The following IKZF2 variants were observed in gnomAD, a reference collection of about 807,000 sequenced individuals.
IKZF2 encodes the protein zinc finger protein Helios.
IKZF2 carries 15 observed loss-of-function variants against 49.2 expected under a neutral mutation model. The observed-to-expected ratio is 0.30, with a 90% CI of 0.20 to 0.47. The LOEUF is 0.47. Ranked by LOEUF, IKZF2 falls within the 20% of genes least tolerant of loss-of-function variation. IKZF2 has a pLI of 1.00. For synonymous variants in IKZF2, 227 were observed against 221.4 expected (o/e 1.03, Z -0.23); for missense variants, 567 against 664.6 (o/e 0.85, Z 1.61).
chr2:213,034,498 T>C (rs1559186901), intron 6 of IKZF2, among the ~76,000 whole-genome samples: 1 of 152,180 alleles, frequency 6.6e-6, no homozygotes, highest in Non-Finnish European at 1.5e-5. Flanking sequence ...AGTTATTAAG[T>C]GGCCTAATTT....
chr2:213,053,577 G>A lies in IKZF2; in HGVS notation c.406+3256C>T, dbSNP rs149973190. On this transcript the variant is annotated intron_variant, in intron 5 of 8. Coordinates refer to ENST00000434687, the MANE Select transcript of IKZF2 (RefSeq NM_001387220.1). ...CTGAGTGCCTTTGAGCAAGAGGATG[G>A]CTGCACAAAGCTGCAATGTACAAAA... Among the ~76,000 whole-genome samples the A allele has an allele frequency of 2.4e-3, 359 of 152,272 alleles. 2 individuals carry two copies. The highest frequency in any genetic ancestry group is 8.3e-3 in the African/African-American group (347 of 41,560).
At position 213,004,521 on chromosome 2, in the gene IKZF2, C is replaced by G. The variant is rs1452004137; in HGVS notation, c.*2839G>C. The G allele has an allele frequency of 6.8e-6, 1 of 148,138 alleles. No homozygotes were observed. The highest frequency in any genetic ancestry group is 2.1e-4 in the East Asian group (1 of 4,656). 9.2% of individuals were successfully genotyped at this position (148,138 alleles called of 1,614,324 possible). On this transcript the variant is annotated 3_prime_UTR_variant, in exon 9 of 9. Coordinates refer to ENST00000434687, the MANE Select transcript of IKZF2 (RefSeq NM_001387220.1). ...GAAGATAACCCATTTTCATGCTCCTCAAATACTTTCTGTAATGTGAAATCT... is the reference window on the plus strand; with the variant it reads ...GAAGATAACCCATTTTCATGCTCCTGAAATACTTTCTGTAATGTGAAATCT...
chr2:213,038,390 A>G (rs1699259299), intron 6 of IKZF2, among the ~76,000 whole-genome samples: 1 of 152,166 alleles, frequency 6.6e-6, no homozygotes, highest in Non-Finnish European at 1.5e-5. Flanking sequence ...AAATAGGAAA[A>G]CAACCGATTA....
intron 4 of IKZF2, among the ~76,000 whole-genome samples, chr2:213,114,788 T>A (rs1471698884): frequency 6.6e-6 from 1 of 151,778 alleles, no homozygotes. Context: ...AAAAATTAGC[T>A]GGGCATGGTA....
In IKZF2 at chr2:213,004,177, A is replaced by C. The variant is rs569049021; in HGVS notation, c.*3183T>G. ...AAGAATGTGTGTGTAGTATACACAC[A>C]CATATACCCTATGATTCATACATAC... On this transcript the variant is annotated 3_prime_UTR_variant, in exon 9 of 9. Coordinates refer to ENST00000434687, the MANE Select transcript of IKZF2 (RefSeq NM_001387220.1). 3.3e-5 allele frequency: 5 copies of C among 151,986 alleles called. No homozygotes were observed. In the East Asian group the frequency reaches 9.7e-4, roughly 29 times the overall value. The allele number at this position is 151,986 out of a possible 1,614,324, so 9.4% of individuals were successfully genotyped here.
chr2:213,012,255 T>C (rs1373896043), intron 8 of IKZF2, among the ~76,000 whole-genome samples: 1 of 151,758 alleles, frequency 6.6e-6, no homozygotes, highest in African/African-American at 2.4e-5. Context: ...TTTAGAATCA[T>C]AATGTAATTT....
intron 4 of IKZF2, among the ~76,000 whole-genome samples, chr2:213,085,750 T>G (rs1424738774): frequency 6.6e-6 from 1 of 152,228 alleles, no homozygotes; most frequent in Non-Finnish European, 1.5e-5. Context: ...GCATGCACTC[T>G]ATTTAAGAAC....
chr2:213,029,043 C>A (rs1239618861), intron 6 of IKZF2, among the ~76,000 whole-genome samples: 2 of 151,876 alleles, frequency 1.3e-5, no homozygotes, highest in African/African-American at 4.8e-5. Context: ...ATATATTATC[C>A]TTTTTATATA....
At chr2:213,127,883 G>C (rs1559309776) in intron 4 of IKZF2, among the ~76,000 whole-genome samples, 1 of 152,068 alleles carries the variant, frequency 6.6e-6, no homozygotes, top group Non-Finnish European at 1.5e-5. Context: ...AATTAGATTT[G>C]ATTGTTTTTA....
intron 7 of IKZF2, among the ~76,000 whole-genome samples, chr2:213,021,080 G>A (rs1697154601): frequency 1.3e-5 from 2 of 152,102 alleles, no homozygotes; most frequent in Admixed American, 6.5e-5. Flanking sequence ...AGGCCTGGTG[G>A]TACATGCCTG....
intron 4 of IKZF2, among the ~76,000 whole-genome samples, chr2:213,141,172 A>C (rs978145090): frequency 2.0e-5 from 3 of 152,006 alleles, no homozygotes; most frequent in African/African-American, 4.8e-5. Context: ...AGTACTGTCT[A>C]CTTTAAGATG....
chr2:213,129,140 T>C (rs1003218984), intron 4 of IKZF2, among the ~76,000 whole-genome samples: 23 of 151,940 alleles, frequency 1.5e-4, no homozygotes, highest in African/African-American at 5.6e-4. Flanking sequence ...CATCTGTGAG[T>C]TCACATTTAT....
chr2:213,134,613 A>T (rs972957379), intron 4 of IKZF2, among the ~76,000 whole-genome samples: 2 of 152,190 alleles, frequency 1.3e-5, no homozygotes, highest in African/African-American at 2.4e-5. Flanking sequence ...CTTAGGACCC[A>T]GTTCTTTTAA....
chr2:213,034,957 A>G (rs1261595797), intron 6 of IKZF2, among the ~76,000 whole-genome samples: 2 of 152,252 alleles, frequency 1.3e-5, no homozygotes, highest in African/African-American at 4.8e-5. Flanking sequence ...GCTTATGAGT[A>G]AGCAAATAAT....
At chr2:213,132,107 T>G (rs951268373) in intron 4 of IKZF2, among the ~76,000 whole-genome samples, 9 of 152,110 alleles carry the variant, frequency 5.9e-5, no homozygotes, top group Non-Finnish European at 1.0e-4. Flanking sequence ...CTTTCCCTAT[T>G]TTACAAATGA....
chr2:213,133,699 CG>C (rs1476475123), intron 4 of IKZF2, among the ~76,000 whole-genome samples: 7 of 60,626 alleles, frequency 1.2e-4, no homozygotes, highest in Middle Eastern at 9.6e-3. Flanking sequence ...GACTCCGTCT[CG>C]AAAAAATAAA....
At chr2:213,135,676 C>A (rs1300943688) in intron 4 of IKZF2, among the ~76,000 whole-genome samples, 1 of 148,478 alleles carries the variant, frequency 6.7e-6, no homozygotes, top group Non-Finnish European at 1.5e-5. Flanking sequence ...CAGAACAAGA[C>A]CCCATCTCAG....
chr2:213,119,369 T>C (rs2059977297), intron 4 of IKZF2, among the ~76,000 whole-genome samples: 1 of 152,128 alleles, frequency 6.6e-6, no homozygotes, highest in Admixed American at 6.5e-5. Flanking sequence ...TCATTTTTTT[T>C]AATGAAATAG....
chr2:213,121,596 T>C (rs1490636282), intron 4 of IKZF2, among the ~76,000 whole-genome samples: 1 of 152,218 alleles, frequency 6.6e-6, no homozygotes, highest in Non-Finnish European at 1.5e-5. Context: ...CATTATGAAA[T>C]GTTTGTGATT....
Sources: gnomAD v4.1 joint callset for allele counts (sites outside exome capture counted in the v4.1 genomes callset) on GRCh38, gnomAD v4.1.1 for gene constraint, MANE v1.5 for transcripts, NCBI Gene and HGNC (gene_info 2026-07-23, HGNC 2026-07-21) for gene names.